UCK1: variants seen among roughly 807,000 people sequenced by gnomAD.
The protein encoded by UCK1 is uridine-cytidine kinase 1, also known as cytidine monophosphokinase 1.
In UCK1, 20 loss-of-function variants were observed where a neutral mutation model predicts 34.0. That is an observed-to-expected ratio of 0.59 (90% confidence interval 0.41 to 0.86). The LOEUF (loss-of-function observed/expected upper bound fraction) is 0.86. Ranked by LOEUF, UCK1 falls within the 40% of genes least tolerant of loss-of-function variation. The pLI is 0.00. For synonymous variants in UCK1, 168 were observed against 155.9 expected (o/e 1.08, Z -0.58); for missense variants, 343 against 383.6 (o/e 0.89, Z 0.88).
chr9:131,524,112 G>A lies in UCK1; in HGVS notation c.*928C>T, dbSNP rs1950463917. Reference sequence around the variant, plus strand: ...AGGCTTGCTGACTTTGGGCGGCCATGTCTGCTGGGACCTGGGTGATCCAGT... The same window carrying A: ...AGGCTTGCTGACTTTGGGCGGCCATATCTGCTGGGACCTGGGTGATCCAGT... On this transcript the variant is annotated 3_prime_UTR_variant, in exon 7 of 7. Coordinates refer to ENST00000372215, the MANE Select transcript of UCK1 (RefSeq NM_031432.5). The A allele has an allele frequency of 6.6e-6, 1 of 152,366 alleles. No homozygotes were observed. The highest frequency in any genetic ancestry group is 1.5e-5 in the Non-Finnish European group (1 of 68,108). The allele number at this position is 152,366 out of a possible 1,614,324, so 9.4% of individuals were successfully genotyped here. A position where few individuals can be genotyped will look rare whatever the true frequency, so the allele number is the denominator to read the frequency against.
At chr9:131,530,056 T>C (rs1950771592) in intron 2 of UCK1, among the ~76,000 whole-genome samples, 1 of 152,206 alleles carries the variant, frequency 6.6e-6, no homozygotes, top group Admixed American at 6.5e-5. Flanking sequence ...GGCCCGGAGC[T>C]TCAAGCCACC....
chr9:131,526,628 C>G, intron 5 of UCK1: 1 of 735,726 alleles, frequency 1.4e-6, no homozygotes, highest in South Asian at 1.4e-5. Context: ...GAGAACATGG[C>G]TGAATCAGAC....
rs774541508 is a variant in UCK1, at chr9:131,525,075, G to A, written c.799C>T (p.Arg267Trp). Residue 267 changes from arginine to tryptophan, a missense_variant, in exon 7 of 7, where the codon CGG becomes TGG. Physicochemically the swap from Arg to Trp is moderately radical, Grantham distance 101. Coordinates refer to ENST00000372215, the MANE Select transcript of UCK1 (RefSeq NM_031432.5). The part of the protein sequence containing the change: ...DHPGMLTSGK[R>W]SHLESSSRPH ...CTGCTGCTGGACTCCAAATGTGACC[G>A]TTTGCCAGAGGTCAGCATCCCAGGG... is the stretch of plus-strand genomic sequence containing the variant. The A allele has an allele frequency of 9.9e-6, 16 of 1,613,358 alleles. No homozygotes were observed. Among genetic ancestry groups the A allele is most frequent in the Admixed American group, 5.0e-5 (3 of 59,988 alleles).
intron 1 of UCK1, 120 bp from the exon 2 acceptor site, chr9:131,530,765 ACAC>A (rs1950809068): frequency 6.4e-7 from 1 of 1,567,890 alleles, no homozygotes; most frequent in African/African-American, 1.3e-5. Context: ...AGGCGGGAGG[ACAC>A]CAACAGGTGT....
Position 131,531,140 on chromosome 9 carries a change from G to A in UCK1, c.35C>T (p.Pro12Leu). 2 of 1,449,804 alleles carry A rather than the reference G, an allele frequency of 1.4e-6. No homozygotes were observed. Among genetic ancestry groups the A allele is most frequent in the Non-Finnish European group, 1.8e-6 (2 of 1,105,084 alleles). 89.8% of individuals were successfully genotyped at this position (1,449,804 alleles called of 1,614,324 possible). A position where few individuals can be genotyped will look rare whatever the true frequency, so the allele number is the denominator to read the frequency against. Residue 12 changes from proline to leucine, a missense_variant, in exon 1 of 7, where the codon CCC becomes CTC. Transcript: ENST00000372215. ...GTGCGGACGGTCGGCCTCCGGCGCGGGGCTCTCGCAGTCTTCGCCTCCCGC... is the reference window on the plus strand; with the variant it reads ...GTGCGGACGGTCGGCCTCCGGCGCGAGGCTCTCGCAGTCTTCGCCTCCCGC... ...ASAGGEDCES[P>L]APEADRPHQR...
In UCK1 at chr9:131,524,966, G is replaced by A. The variant is rs1466697997; in HGVS notation, c.*74C>T. 1.3e-6 allele frequency: 2 copies of A among 1,534,504 alleles called. No homozygotes were observed. The highest frequency in any genetic ancestry group is 1.8e-6 in the Non-Finnish European group (2 of 1,134,962). On this transcript the variant is annotated 3_prime_UTR_variant, in exon 7 of 7. Transcript: ENST00000372215. Reference sequence around the variant, plus strand: ...TGCGCCGAGAGGAAGCAGTGGGTGTGGGTGGGCGTCCCCAGGCTCAGTCCC... The same window carrying A: ...TGCGCCGAGAGGAAGCAGTGGGTGTAGGTGGGCGTCCCCAGGCTCAGTCCC...
intron 2 of UCK1, among the ~76,000 whole-genome samples, chr9:131,530,200 T>C (rs1219009055): frequency 1.3e-5 from 2 of 152,132 alleles, no homozygotes; most frequent in African/African-American, 4.8e-5. Context: ...GATGGGAGGA[T>C]TTCTCCAGGA....
chr9:131,526,004 T>C (rs1588529745), intron 5 of UCK1, 27 bp from the exon 6 acceptor site: 3 of 1,613,724 alleles, frequency 1.9e-6, no homozygotes, highest in Non-Finnish European at 1.7e-6. Flanking sequence ...GGGGTGTTCC[T>C]GTGAGGACTT....
Position 131,524,344 on chromosome 9 carries a change from T to G in UCK1, c.*696A>C, listed in dbSNP as rs748063822. ...TGCCCTACTGCATGGGCTCCCAGCC[T>G]GGCCCCGCACAAGCCTGGGTGTGAT... is the stretch of plus-strand genomic sequence containing the variant. On this transcript the variant is annotated 3_prime_UTR_variant, in exon 7 of 7. Transcript: ENST00000372215. 2 of 152,364 alleles carry G rather than the reference T, an allele frequency of 1.3e-5. No individual in the cohort carries two copies. Among genetic ancestry groups the G allele is most frequent in the African/African-American group, 2.4e-5 (1 of 41,470 alleles). The allele number at this position is 152,364 out of a possible 1,614,324, so 9.4% of individuals were successfully genotyped here.
chr9:131,529,424 G>A (rs1186887973), intron 3 of UCK1, 64 bp downstream of exon 3: 4 of 1,609,698 alleles, frequency 2.5e-6, no homozygotes, highest in Non-Finnish European at 3.4e-6. Flanking sequence ...GCAGGTCTGT[G>A]TGAGCCCGAG....
In UCK1 at chr9:131,531,139, G is replaced by A. The variant is rs922839580; in HGVS notation, c.36C>T (p.Pro12=). Reference sequence around the variant, plus strand: ...GGTGCGGACGGTCGGCCTCCGGCGCGGGGCTCTCGCAGTCTTCGCCTCCCG... The same window carrying A: ...GGTGCGGACGGTCGGCCTCCGGCGCAGGGCTCTCGCAGTCTTCGCCTCCCG... ...ASAGGEDCES[P]APEADRPHQR... Residue 12 remains proline, a synonymous_variant, in exon 1 of 7, where the codon CCC becomes CCT. Transcript: ENST00000372215. 1.4e-6 allele frequency: 2 copies of A among 1,449,402 alleles called. No homozygotes were observed. Among genetic ancestry groups the A allele is most frequent in the Non-Finnish European group, 1.8e-6 (2 of 1,105,024 alleles). The allele number at this position is 1,449,402 out of a possible 1,614,324, so 89.8% of individuals were successfully genotyped here.
At chr9:131,530,388 C>A (rs956665652) in intron 2 of UCK1, 98 bp downstream of exon 2, 6 of 1,427,198 alleles carry the variant, frequency 4.2e-6, no homozygotes, top group Non-Finnish European at 4.9e-6. Context: ...ACAGCCCAAG[C>A]GGGTCTGCAT....
At position 131,531,068 on chromosome 9, in the gene UCK1, T is replaced by C; in HGVS notation, c.107A>G (p.Lys36Arg). 3.6e-6 allele frequency: 5 copies of C among 1,397,372 alleles called. No homozygotes were observed. The highest frequency in any genetic ancestry group is 4.6e-6 in the Non-Finnish European group (5 of 1,077,916). 86.6% of individuals were successfully genotyped at this position (1,397,372 alleles called of 1,614,324 possible). A position where few individuals can be genotyped will look rare whatever the true frequency, so the allele number is the denominator to read the frequency against. ...IGVSGGTASG[K>R]STVCEKIMEL... ...ACCCCGGCCCGCTCGGCCCCTTACC[T>C]TCCCGCTGGCAGTGCCGCCGCTCAC... Residue 36 changes from lysine (K) to arginine (R), a missense_variant and splice_region_variant, in exon 1 of 7, where the codon AAG (lysine) becomes AGG (arginine). Physicochemically the swap from Lys to Arg is conservative, Grantham distance 26 (BLOSUM62 2). Transcript: ENST00000372215.
In UCK1 at chr9:131,526,645, G is replaced by A. The variant is rs568928564; in HGVS notation, c.604-668C>T. 22 of 624,170 alleles carry A rather than the reference G, an allele frequency of 3.5e-5. No homozygotes were observed. In the African/African-American group the frequency reaches 3.8e-4, roughly 11 times the overall value. 38.7% of individuals were successfully genotyped at this position (624,170 alleles called of 1,614,324 possible). ...GAACATGGCTGAATCAGACAAAGCT[G>A]AGGGAAGAGGGAGGGCAGGGTCTGG... On this transcript the variant is annotated intron_variant, in intron 5 of 6. Coordinates refer to ENST00000372215, the MANE Select transcript of UCK1 (RefSeq NM_031432.5).
chr9:131,529,647 C>G (rs577954083), intron 2 of UCK1, 63 bp from the exon 3 acceptor site: 4 of 1,471,226 alleles, frequency 2.7e-6, no homozygotes, highest in Non-Finnish European at 1.9e-6. Context: ...AGCAGGGAAC[C>G]CTCTCTGCTC....
chr9:131,527,341 GCAAA>G (rs748895819), intron 5 of UCK1, among the ~76,000 whole-genome samples: 1 of 151,966 alleles, frequency 6.6e-6, no homozygotes, highest in Admixed American at 6.6e-5. Flanking sequence ...AAACAAGCAA[GCAAA>G]CAAACCAACC....
chr9:131,530,653 C>G lies in UCK1; in HGVS notation c.109-8G>C. On this transcript the variant is annotated splice_region_variant and splice_polypyrimidine_tract_variant and intron_variant, in intron 1 of 6. Coordinates refer to ENST00000372215, the MANE Select transcript of UCK1 (RefSeq NM_031432.5). ...CTTCTCACACACGGTCGACTGGAGA[C>G]ACAGAAGCGGGATTCCCGCCTGGAA... 1.2e-6 allele frequency: 2 copies of G among 1,614,248 alleles called. No homozygotes were observed. The highest frequency in any genetic ancestry group is 1.7e-6 in the Non-Finnish European group (2 of 1,180,048).
Position 131,524,881 on chromosome 9 carries a change from G to A in UCK1, c.*159C>T. 1 of 824,938 alleles carries A rather than the reference G, an allele frequency of 1.2e-6. No homozygotes were observed. The highest frequency in any genetic ancestry group is 1.8e-6 in the Non-Finnish European group (1 of 550,300). 51.1% of individuals were successfully genotyped at this position (824,938 alleles called of 1,614,324 possible). ...GTGTCCCAGCAAGTTGAGTCTGAGT[G>A]ACACATCTGAGTTTCCACTCCTGAG... On this transcript the variant is annotated 3_prime_UTR_variant, in exon 7 of 7. Coordinates refer to ENST00000372215, the MANE Select transcript of UCK1 (RefSeq NM_031432.5).
chr9:131,529,491 G>C lies in UCK1; in HGVS notation c.362C>G (p.Ser121Ter). Residue 121 changes from serine (S) to a stop codon, truncating the protein, a stop_gained, in exon 3 of 7, where the codon TCA (serine) becomes TGA (stop). Coordinates refer to ENST00000372215, the MANE Select transcript of UCK1 (RefSeq NM_031432.5). LOFTEE classifies it high-confidence loss of function. ...EVPTYDFVTHSRLPETTVVYP... is the reference protein window; with the variant it reads ...EVPTYDFVTH The stretch of plus-strand genomic sequence containing the variant: ...CTCCCTAGAACCACCTGCTTACCTT[G>C]AGTGTGTCACAAAATCATAGGTCGG... 1 of 1,614,100 alleles carries C rather than the reference G, an allele frequency of 6.2e-7. No homozygotes were observed. Among genetic ancestry groups the C allele is most frequent in the Non-Finnish European group, 8.5e-7 (1 of 1,180,012 alleles).
Sources: allele counts gnomAD v4.1 joint callset (sites outside exome capture counted in the v4.1 genomes callset), GRCh38; gene constraint gnomAD v4.1.1; transcripts MANE v1.5; gene names NCBI Gene and HGNC (gene_info 2026-07-23, HGNC 2026-07-21).